Variants in GSE1 observed in about 807,000 individuals in gnomAD.
GSE1 encodes the protein genetic suppressor element 1.
A neutral mutation model predicts 112.6 loss-of-function variants in GSE1; 32 were observed. That is an observed-to-expected ratio of 0.28 (90% CI 0.21 to 0.38). GSE1 has a LOEUF of 0.38. Ranked by LOEUF, GSE1 falls within the 10% of genes least tolerant of loss-of-function variation. The pLI, the probability that GSE1 is intolerant of heterozygous loss-of-function variation, is 1.00. For synonymous variants in GSE1, 1,115 were observed against 735.6 expected (o/e 1.52, Z -8.35); for missense variants, 2,348 against 1,699.2 (o/e 1.38, Z -6.71).
intron 1 of GSE1, among the ~76,000 whole-genome samples, chr16:85,194,928 G>A (rs573172297): frequency 1.4e-4 from 22 of 152,166 alleles, no homozygotes; most frequent in African/African-American, 5.1e-4. Flanking sequence ...GTGAGTGTTC[G>A]GGGCAGTCAT....
At chr16:85,470,931 G>A (rs1249412258) in intron 2 of GSE1, among the ~76,000 whole-genome samples, 1 of 152,258 alleles carries the variant, frequency 6.6e-6, no homozygotes, top group Non-Finnish European at 1.5e-5. Flanking sequence ...ATTTTTAATA[G>A]TGATTATCTC....
At chr16:85,372,181 A>G (rs1358135741) in intron 2 of GSE1, among the ~76,000 whole-genome samples, 1 of 152,134 alleles carries the variant, frequency 6.6e-6, no homozygotes, top group Non-Finnish European at 1.5e-5. Flanking sequence ...GCTGTGGAAG[A>G]TGGATTTGAT....
intron 1 of GSE1, among the ~76,000 whole-genome samples, chr16:85,173,276 C>T (rs982921077): frequency 6.6e-6 from 1 of 152,194 alleles, no homozygotes; most frequent in African/African-American, 2.4e-5. Flanking sequence ...AACACTCAGT[C>T]AGTAGGTATC....
chr16:85,492,828 A>G (rs1056492651), intron 2 of GSE1, among the ~76,000 whole-genome samples: 1 of 152,088 alleles, frequency 6.6e-6, no homozygotes, highest in Non-Finnish European at 1.5e-5. Context: ...CAGATCACAC[A>G]TGTTCATCCT....
At chr16:85,651,604 T>A (rs2051363002) in intron 3 of GSE1, among the ~76,000 whole-genome samples, 1 of 152,238 alleles carries the variant, frequency 6.6e-6, no homozygotes, top group East Asian at 1.9e-4. Context: ...GCGGGCAGCA[T>A]GCGGAGGAGG....
At chr16:85,465,960 G>C (rs1247405516) in intron 2 of GSE1, among the ~76,000 whole-genome samples, 1 of 152,260 alleles carries the variant, frequency 6.6e-6, no homozygotes, top group African/African-American at 2.4e-5. Context: ...TCCGAAGTCA[G>C]TCTGTACTTT....
intron 1 of GSE1, among the ~76,000 whole-genome samples, chr16:85,339,684 C>T (rs2046583620): frequency 6.6e-6 from 1 of 151,988 alleles, no homozygotes. Flanking sequence ...TTAATCTTTC[C>T]ATTTTTCTTC....
intron 1 of GSE1, among the ~76,000 whole-genome samples, chr16:85,606,108 C>T (rs1383291784): frequency 6.6e-6 from 1 of 152,170 alleles, no homozygotes; most frequent in African/African-American, 2.4e-5. Flanking sequence ...TGAAGTCTGC[C>T]GTGGCACAGC....
chr16:85,519,017 C>T (rs934656787), intron 2 of GSE1, among the ~76,000 whole-genome samples: 3 of 152,194 alleles, frequency 2.0e-5, no homozygotes, highest in Admixed American at 6.5e-5. Context: ...ATCCCAGCGC[C>T]TCCCTCACCA....
intron 2 of GSE1, among the ~76,000 whole-genome samples, chr16:85,496,660 T>C (rs1007723910): frequency 2.6e-5 from 4 of 152,130 alleles, no homozygotes; most frequent in African/African-American, 7.2e-5. Flanking sequence ...TCACGACATA[T>C]AGAGAGCGCT....
intron 1 of GSE1, among the ~76,000 whole-genome samples, chr16:85,324,851 G>T (rs1009557415): frequency 6.6e-6 from 1 of 152,164 alleles, no homozygotes; most frequent in African/African-American, 2.4e-5. Context: ...TTTGTTTTGG[G>T]TGATGGAAGA....
chr16:85,176,919 C>T (rs1423919820), intron 1 of GSE1, among the ~76,000 whole-genome samples: 1 of 152,242 alleles, frequency 6.6e-6, no homozygotes, highest in Non-Finnish European at 1.5e-5. Flanking sequence ...CTCCCCAGGC[C>T]CAGGCTCTGG....
At position 85,675,907 on chromosome 16, in the gene GSE1, A is replaced by G. The variant is rs2053649913; in HGVS notation, c.*3368A>G. On this transcript the variant is annotated 3_prime_UTR_variant, in exon 16 of 16. Transcript: ENST00000253458. The stretch of plus-strand genomic sequence containing the variant: ...TTTTCCATCCAGTGCTTAACCTAAA[A>G]AACTCCTTAACTCTGCCTTGACCTG... The G allele has an allele frequency of 6.6e-6, 1 of 152,560 alleles. No individual in the cohort carries two copies. The highest frequency in any genetic ancestry group is 6.5e-5 in the Admixed American group (1 of 15,286). 9.5% of individuals were successfully genotyped at this position (152,560 alleles called of 1,614,324 possible).
chr16:85,568,715 G>T lies in GSE1; in HGVS notation c.37+12352G>T, dbSNP rs143181873. On this transcript the variant is annotated intron_variant, in intron 1 of 2. Coordinates refer to the GSE1 transcript ENST00000635906. The stretch of plus-strand genomic sequence containing the variant: ...ACTCCCTTAGTTTCTTGGTCCAGAG[G>T]TGGGGCTGGTAACTCACAGCTCATT... 3.3e-5 allele frequency among the ~76,000 whole-genome samples: 5 copies of T among 152,350 alleles called. 1 individual carries two copies. The Middle Eastern group carries it at 0.014, about 415-fold the overall frequency.
chr16:85,356,857 G>A (rs372082069), intron 1 of GSE1, among the ~76,000 whole-genome samples: 19 of 152,276 alleles, frequency 1.2e-4, no homozygotes, highest in African/African-American at 4.3e-4. Context: ...GGGCCTGCCT[G>A]CTGCTCCCCG....
chr16:85,536,151 G>A (rs946858265), intron 2 of GSE1, among the ~76,000 whole-genome samples: 4 of 152,204 alleles, frequency 2.6e-5, no homozygotes, highest in Non-Finnish European at 4.4e-5. Context: ...CACCTCTAGC[G>A]ATTAATGGGT....
intron 1 of GSE1, among the ~76,000 whole-genome samples, chr16:85,177,107 C>T (rs766861777): frequency 4.6e-5 from 7 of 152,276 alleles, no homozygotes; most frequent in Middle Eastern, 3.4e-3. Context: ...CGGAGGCAGT[C>T]GGAGAAAACC....
chr16:85,644,239 TG>T (rs769384635), intron 2 of GSE1, among the ~76,000 whole-genome samples: 1 of 151,228 alleles, frequency 6.6e-6, no homozygotes, highest in Non-Finnish European at 1.5e-5. Context: ...CTCAGGAGGC[TG>T]AGGTGGGAGG....
chr16:85,654,933 G>A lies in GSE1; in HGVS notation c.739G>A (p.Ala247Thr), dbSNP rs770261038. The A allele has an allele frequency of 4.3e-6, 7 of 1,610,694 alleles. No homozygotes were observed. In the Admixed American group the frequency reaches 6.7e-5, roughly 15 times the overall value. The change falls in exon 5 of 16, where the codon GCA becomes ACA. Residue 247 changes from alanine to threonine, a missense_variant. Transcript: ENST00000253458. Reference protein sequence around the residue: ...PPLGLDPATAAAYYHPSYLAP... With the variant: ...PPLGLDPATATAYYHPSYLAP... ...CCTCGGCCTGGACCCGGCCACTGCTGCAGCCTACTACCACCCCAGCTACCT... is the reference window on the plus strand; with the variant it reads ...CCTCGGCCTGGACCCGGCCACTGCTACAGCCTACTACCACCCCAGCTACCT...
Sources: allele counts gnomAD v4.1 joint callset (sites outside exome capture counted in the v4.1 genomes callset), GRCh38; gene constraint gnomAD v4.1.1; transcripts MANE v1.5; gene names NCBI Gene and HGNC (gene_info 2026-07-23, HGNC 2026-07-21).